Variants in TG observed in about 807,000 individuals in gnomAD.
TG encodes the protein thyroid hormones.
A neutral mutation model predicts 324.7 loss-of-function variants in TG; 270 were observed. That is an observed-to-expected ratio of 0.83 (90% CI 0.75 to 0.92). The LOEUF (loss-of-function observed/expected upper bound fraction) is 0.92, where lower values mean the gene tolerates loss of function less well. Among genes scored for constraint, TG ranks in the 40% least tolerant of loss-of-function variants. TG has a pLI of 0.00. For missense variants in TG, 3,591 were observed against 3,456.4 expected, an observed-to-expected ratio of 1.04 and a Z score of -0.98; for synonymous variants, 1,401 against 1,327.0, an observed-to-expected ratio of 1.06 and a Z score of -1.21.
intron 35 of TG, chr8:133,002,173 G>T: frequency 1.0e-6 from 1 of 985,398 alleles, no homozygotes; most frequent in Non-Finnish European, 1.2e-6. Flanking sequence ...GGCACTTTCC[G>T]CCTGTTTTTC....
chr8:132,976,717 G>T (rs1830220091), intron 34 of TG, among the ~76,000 whole-genome samples: 1 of 152,164 alleles, frequency 6.6e-6, no homozygotes. Context: ...ATGGCTTATG[G>T]GCATTCTGGT....
intron 35 of TG, among the ~76,000 whole-genome samples, chr8:132,984,873 C>T (rs922527676): frequency 1.3e-5 from 2 of 150,874 alleles, no homozygotes; most frequent in African/African-American, 4.9e-5. Context: ...ACCCAGGAGG[C>T]AGAGGTTGCA....
intron 27 of TG, among the ~76,000 whole-genome samples, chr8:132,953,675 G>T (rs1335958108): frequency 6.6e-6 from 1 of 152,150 alleles, no homozygotes; most frequent in Non-Finnish European, 1.5e-5. Context: ...AGCACCTTTT[G>T]CTGTGAGGTT....
At chr8:132,878,239 A>T (rs1174456921) in intron 5 of TG, among the ~76,000 whole-genome samples, 1 of 152,150 alleles carries the variant, frequency 6.6e-6, no homozygotes, top group African/African-American at 2.4e-5. Context: ...GAAGGGGGGA[A>T]CACTGTATGC....
At chr8:133,081,800 C>T (rs1357560115) in intron 41 of TG, among the ~76,000 whole-genome samples, 2 of 152,136 alleles carry the variant, frequency 1.3e-5, no homozygotes, top group Non-Finnish European at 2.9e-5. Flanking sequence ...CTGAGCAGGA[C>T]CCAATTTCAG....
chr8:133,128,926 C>T (rs573648034), intron 45 of TG, among the ~76,000 whole-genome samples: 10 of 152,160 alleles, frequency 6.6e-5, no homozygotes, highest in South Asian at 4.1e-4. Flanking sequence ...CCCAAGTCTG[C>T]GAGCACCAGG....
rs775612855 is a variant in TG at position 132,948,900 on chromosome 8, C to A, written c.5358C>A (p.Ser1786Arg). The A allele has an allele frequency of 2.5e-6, 4 of 1,613,782 alleles. No homozygotes were observed. The highest frequency in any genetic ancestry group is 3.4e-6 in the Non-Finnish European group (4 of 1,179,940). ...TCPGVTYDQESHQVILRLGDQ... is the reference protein window; with the variant it reads ...TCPGVTYDQERHQVILRLGDQ... ...CTGGTGTGACATATGACCAGGAGAG[C>A]CACCAGGTGATATTGCGTCTTGGAG... is the stretch of plus-strand genomic sequence containing the variant. Residue 1786 changes from serine (S) to arginine (R), a missense_variant, in exon 27 of 48, where the codon AGC (serine) becomes AGA (arginine). Coordinates refer to ENST00000220616, the MANE Select transcript of TG (RefSeq NM_003235.5).
chr8:132,969,687 C>T, intron 32 of TG, 118 bp downstream of exon 32: 8 of 772,942 alleles, frequency 1.0e-5, no homozygotes, highest in Non-Finnish European at 1.6e-5. Context: ...CCGAGCTGGG[C>T]TGATCACGAG....
At chr8:132,965,338 G>A (rs910878971) in intron 29 of TG, among the ~76,000 whole-genome samples, 3 of 152,176 alleles carry the variant, frequency 2.0e-5, no homozygotes, top group Non-Finnish European at 4.4e-5. Flanking sequence ...CCTTTACCTT[G>A]TCCAGTGGTT....
Position 132,967,816 on chromosome 8 carries a change from C to A in TG, c.5709C>A (p.Phe1903Leu). ...CLSRCVQEHS[F>L]CQLAEITESA... is the part of the protein sequence containing the mutation. ...TAGGTTGTGTGCAGGAGCACTCTTT[C>A]TGTCAGCTCGCAGAGATAACAGAGA... The change falls in exon 31 of 48, where the codon TTC becomes TTA. Residue 1903 changes from phenylalanine to leucine, a missense_variant. Transcript: ENST00000220616. The A allele has an allele frequency of 6.2e-7, 1 of 1,613,890 alleles. No individual in the cohort carries two copies. Among genetic ancestry groups the A allele is most frequent in the Non-Finnish European group, 8.5e-7 (1 of 1,179,876 alleles).
At chr8:133,060,755 T>A (rs957233531) in intron 41 of TG, among the ~76,000 whole-genome samples, 2 of 152,234 alleles carry the variant, frequency 1.3e-5, no homozygotes, top group African/African-American at 4.8e-5. Context: ...TGAAGCCCTT[T>A]CACATCAACT....
chr8:133,032,174 C>T (rs2131000966), intron 41 of TG, among the ~76,000 whole-genome samples: 1 of 152,246 alleles, frequency 6.6e-6, no homozygotes, highest in East Asian at 1.9e-4. Context: ...CTCTCGGGGC[C>T]CCAGGACCCA....
At chr8:132,935,557 C>A (rs550800534) in intron 24 of TG, among the ~76,000 whole-genome samples, 199 bp from the exon 25 acceptor site, 20 of 152,272 alleles carry the variant, frequency 1.3e-4, no homozygotes, top group African/African-American at 4.6e-4. Flanking sequence ...ATTACCTCTT[C>A]TTTAATTATA....
intron 16 of TG, among the ~76,000 whole-genome samples, chr8:132,903,089 C>T (rs138159628): frequency 2.0e-5 from 3 of 152,300 alleles, no homozygotes; most frequent in East Asian, 1.9e-4. Flanking sequence ...CTCTGCTGTA[C>T]AGCTGTGAGG....
chr8:133,133,413 T>A, intron 46 of TG, 57 bp from the exon 47 acceptor site: 4 of 1,540,934 alleles, frequency 2.6e-6, no homozygotes, highest in Non-Finnish European at 3.6e-6. Flanking sequence ...GTGATTCAGG[T>A]GATGAAAGGA....
chr8:132,968,167 C>CA (rs1295453264), intron 31 of TG, among the ~76,000 whole-genome samples, 197 bp downstream of exon 31: 2 of 151,944 alleles, frequency 1.3e-5, no homozygotes, highest in African/African-American at 4.8e-5. Flanking sequence ...TCAGTTTAAA[C>CA]AAAAAATATG....
At chr8:133,088,157 C>G (rs1033017291) in intron 41 of TG, among the ~76,000 whole-genome samples, 3 of 152,324 alleles carry the variant, frequency 2.0e-5, no homozygotes, top group Non-Finnish European at 2.9e-5. Context: ...GGGATAGACT[C>G]TCCCTTGTCT....
At position 132,887,106 on chromosome 8, in the gene TG, T is replaced by C. The variant is rs1182416210; in HGVS notation, c.1734T>C (p.Leu578=). Residue 578 remains leucine (L), a synonymous_variant, in exon 9 of 48, where the codon CTT becomes CTC. Coordinates refer to ENST00000220616, the MANE Select transcript of TG (RefSeq NM_003235.5). ...CTCTCCTGGAGCTTCCAGAATTCCT[T>C]CTCTTCTTGCAACATGCTATCTCTG... ...LASLLELPEF[L]LFLQHAISVP... 3 of 1,614,188 alleles carry C rather than the reference T, an allele frequency of 1.9e-6. No individual in the cohort carries two copies. The East Asian group carries it at 6.7e-5, about 36-fold the overall frequency.
chr8:132,969,966 G>A (rs1442529660), intron 32 of TG, among the ~76,000 whole-genome samples: 1 of 150,802 alleles, frequency 6.6e-6, no homozygotes, highest in Admixed American at 6.6e-5. Context: ...AAGCTAAGGG[G>A]GTAAAAGATA....
Sources: allele counts gnomAD v4.1 joint callset (sites outside exome capture counted in the v4.1 genomes callset), GRCh38; gene constraint gnomAD v4.1.1; transcripts MANE v1.5; gene names NCBI Gene and HGNC (gene_info 2026-07-23, HGNC 2026-07-21).